Variants in PTN observed in about 807,000 individuals in gnomAD.
PTN encodes heparin affin regulatory protein.
PTN carries 18 observed loss-of-function variants against 24.1 expected under a neutral mutation model. That is an observed-to-expected ratio of 0.75 (90% CI 0.52 to 1.11). PTN has a LOEUF of 1.11. PTN is among the 50% of genes least tolerant of loss of function. PTN has a pLI of 0.00. For synonymous variants in PTN, 78 were observed against 68.6 expected, an observed-to-expected ratio of 1.14 and a Z score of -0.67; for missense variants, 163 against 198.8, an observed-to-expected ratio of 0.82 and a Z score of 1.08.
intron 4 of PTN, among the ~76,000 whole-genome samples, chr7:137,240,410 C>G (rs931651740): frequency 6.6e-6 from 1 of 152,180 alleles, no homozygotes; most frequent in Non-Finnish European, 1.5e-5. Context: ...ATGTGGTACA[C>G]TGGAATTTAT....
intron 1 of PTN, among the ~76,000 whole-genome samples, chr7:137,268,173 G>T (rs948643033): frequency 1.3e-5 from 2 of 151,978 alleles, no homozygotes; most frequent in African/African-American, 4.8e-5. Flanking sequence ...TGCCACACAC[G>T]GCTCTGGCGA....
chr7:137,248,964 T>C (rs182512065), intron 4 of PTN, among the ~76,000 whole-genome samples: 1 of 152,310 alleles, frequency 6.6e-6, no homozygotes. Flanking sequence ...GAAATATTTT[T>C]AGTGTCATTT....
chr7:137,268,226 G>A (rs1809196724), intron 1 of PTN, among the ~76,000 whole-genome samples: 1 of 152,094 alleles, frequency 6.6e-6, no homozygotes, highest in Non-Finnish European at 1.5e-5. Context: ...GCGCTCTCAG[G>A]ATCCGCGTCG....
intron 1 of PTN, among the ~76,000 whole-genome samples, chr7:137,299,406 A>T (rs1008143249): frequency 5.3e-5 from 8 of 151,904 alleles, no homozygotes; most frequent in Non-Finnish European, 5.9e-5. Flanking sequence ...CAAATGGGGA[A>T]ACTGAGTTTT....
chr7:137,267,702 C>T (rs1348099949), intron 1 of PTN, among the ~76,000 whole-genome samples: 1 of 152,114 alleles, frequency 6.6e-6, no homozygotes, highest in Non-Finnish European at 1.5e-5. Context: ...ACACCACGCT[C>T]ACACCACACG....
intron 1 of PTN, among the ~76,000 whole-genome samples, chr7:137,275,042 T>A (rs947002688): frequency 3.9e-5 from 6 of 152,166 alleles, no homozygotes; most frequent in Admixed American, 3.9e-4. Context: ...AGATAACATA[T>A]AAAATGCCTG....
chr7:137,254,560 G>C (rs1445089333), intron 2 of PTN, among the ~76,000 whole-genome samples: 4 of 151,196 alleles, frequency 2.6e-5, no homozygotes, highest in Non-Finnish European at 5.9e-5. Context: ...TTTTGAGGTA[G>C]AGAGGTAAAT....
intron 1 of PTN, among the ~76,000 whole-genome samples, chr7:137,310,412 T>G (rs1266065310): frequency 2.0e-5 from 3 of 150,796 alleles, no homozygotes; most frequent in East Asian, 3.9e-4. Context: ...TTGTTTTTTT[T>G]TTTTTTGAGA....
intron 1 of PTN, among the ~76,000 whole-genome samples, chr7:137,290,391 A>G (rs1415913906): frequency 1.3e-5 from 2 of 152,224 alleles, no homozygotes; most frequent in Non-Finnish European, 2.9e-5. Flanking sequence ...TTTCTGGTTA[A>G]CTTGAAAACG....
intron 1 of PTN, among the ~76,000 whole-genome samples, chr7:137,308,641 G>A (rs1809927688): frequency 6.6e-6 from 1 of 152,062 alleles, no homozygotes; most frequent in South Asian, 2.1e-4. Context: ...TATATCCTGA[G>A]AGGTGGTGAG....
At chr7:137,313,961 G>T (rs994198805) in intron 1 of PTN, among the ~76,000 whole-genome samples, 2 of 152,094 alleles carry the variant, frequency 1.3e-5, no homozygotes, top group African/African-American at 2.4e-5. Context: ...ATCAGGTGCT[G>T]GTTTCTGAGA....
In PTN at chr7:137,235,696, C is replaced by T. The variant is rs77773573; in HGVS notation, c.452-7621G>A. Among the ~76,000 whole-genome samples, 206 of 152,174 alleles carry T rather than the reference C, an allele frequency of 1.4e-3. 1 individual carries two copies. Among genetic ancestry groups the T allele is most frequent in the African/African-American group, 4.9e-3 (202 of 41,536 alleles). On this transcript the variant is annotated intron_variant, in intron 4 of 4. Coordinates refer to ENST00000348225, the MANE Select transcript of PTN (RefSeq NM_002825.7). Reference sequence around the variant, plus strand: ...GGAAAACATGTGTACATGCATACTGCCCCTCAGTGCTACCCACATGCTGAT... The same window carrying T: ...GGAAAACATGTGTACATGCATACTGTCCCTCAGTGCTACCCACATGCTGAT...
At chr7:137,308,719 C>T (rs1459100548) in intron 1 of PTN, among the ~76,000 whole-genome samples, 2 of 152,094 alleles carry the variant, frequency 1.3e-5, no homozygotes, top group Non-Finnish European at 2.9e-5. Context: ...CTTCACGTCT[C>T]CATCTCCCCA....
At chr7:137,277,293 C>A (rs147152471) in intron 1 of PTN, among the ~76,000 whole-genome samples, 6 of 152,306 alleles carry the variant, frequency 3.9e-5, no homozygotes, top group Non-Finnish European at 5.9e-5. Context: ...AAATGTGGAA[C>A]TTTAACTCTC....
At chr7:137,301,826 A>T (rs79549873) in intron 1 of PTN, among the ~76,000 whole-genome samples, 2,465 of 152,102 alleles carry the variant, frequency 0.016, 58 homozygotes, top group African/African-American at 0.056. Context: ...AAAAATTTTT[A>T]AAAGTATCTT....
At chr7:137,337,048 T>C (rs1018501603) in intron 1 of PTN, among the ~76,000 whole-genome samples, 1 of 150,576 alleles carries the variant, frequency 6.6e-6, no homozygotes, top group African/African-American at 2.4e-5. Context: ...CTGTTTCTAA[T>C]GTTTCATCCG....
At chr7:137,236,054 G>T in intron 4 of PTN, 1 of 637,692 alleles carries the variant, frequency 1.6e-6, no homozygotes, top group Non-Finnish European at 2.8e-6. Context: ...TTAATAGAAG[G>T]TTTAGTGAAG....
intron 1 of PTN, among the ~76,000 whole-genome samples, chr7:137,261,700 A>G (rs1017230225): frequency 2.0e-5 from 3 of 152,222 alleles, no homozygotes; most frequent in African/African-American, 7.2e-5. Flanking sequence ...GAGAAAAACT[A>G]TCTATTTTTA....
chr7:137,331,911 G>T (rs1472742430), intron 1 of PTN, among the ~76,000 whole-genome samples: 1 of 152,210 alleles, frequency 6.6e-6, no homozygotes, highest in Non-Finnish European at 1.5e-5. Context: ...ACATCTGCAA[G>T]GACAAAGACT....
Sources: allele counts gnomAD v4.1 joint callset (sites outside exome capture counted in the v4.1 genomes callset), GRCh38; gene constraint gnomAD v4.1.1; transcripts MANE v1.5; gene names NCBI Gene and HGNC (gene_info 2026-07-23, HGNC 2026-07-21).